The following NSD2 variants were observed in gnomAD, a reference collection of about 807,000 sequenced individuals.
NSD2 encodes the protein histone-lysine N-methyltransferase NSD2.
In NSD2, 12 loss-of-function variants were observed where a neutral mutation model predicts 139.0. That is an observed-to-expected ratio of 0.09 (90% confidence interval 0.06 to 0.14). NSD2 has a LOEUF of 0.14. Ranked by LOEUF, NSD2 falls within the 10% of genes least tolerant of loss-of-function variation. The pLI is 1.00. For synonymous variants in NSD2, 669 were observed against 648.7 expected (o/e 1.03, Z -0.48); for missense variants, 1,155 against 1,745.0 (o/e 0.66, Z 6.02).
Position 1,961,139 on chromosome 4 carries a change from C to A in NSD2, c.3360C>A (p.Leu1120=). ...HENDITHFYM[L]TIDKDRIIDA... Reference sequence around the variant, plus strand: ...ACGACATCACCCACTTCTACATGCTCACTATAGACAAGGTAATGCGGAACT... The same window carrying A: ...ACGACATCACCCACTTCTACATGCTAACTATAGACAAGGTAATGCGGAACT... Residue 1120 remains leucine, a synonymous_variant, in exon 18 of 22, where the codon CTC becomes CTA. Coordinates refer to ENST00000508803, the MANE Select transcript of NSD2 (RefSeq NM_001042424.3). 12 of 1,610,500 alleles carry A rather than the reference C, an allele frequency of 7.5e-6. No individual in the cohort carries two copies. The highest frequency in any genetic ancestry group is 1.0e-5 in the Non-Finnish European group (12 of 1,177,106).
In NSD2 at chr4:1,982,060, A is replaced by C. The variant is rs1353609763; in HGVS notation, c.*3151A>C. On this transcript the variant is annotated 3_prime_UTR_variant, in exon 22 of 22. Coordinates refer to ENST00000508803, the MANE Select transcript of NSD2 (RefSeq NM_001042424.3). ...AGTTAGACTTAAAAACTTGAAATTC[A>C]CTTTTTGGGGGGAGGGATATACTGA... is the stretch of plus-strand genomic sequence containing the variant. The C allele has an allele frequency of 2.5e-6, 1 of 397,366 alleles. No homozygotes were observed. Among genetic ancestry groups the C allele is most frequent in the Non-Finnish European group, 4.4e-6 (1 of 225,764 alleles). 24.6% of individuals were successfully genotyped at this position (397,366 alleles called of 1,614,324 possible).
In NSD2 at chr4:1,974,664, G is replaced by A. The variant is rs759413044; in HGVS notation, c.3373-199G>A. ...CTCACTAAGGCTCGGTCCTCTCCAC[G>A]TGGTCCTGACCTGTCCTCTGTGAGC... is the stretch of plus-strand genomic sequence containing the variant. On this transcript the variant is annotated intron_variant, in intron 18 of 21. Coordinates refer to ENST00000508803, the MANE Select transcript of NSD2 (RefSeq NM_001042424.3). This position sits in a 1 kb window ranked among gnomAD's most constrained non-coding sequence, Gnocchi z 4.0. 1.1e-4 allele frequency: 86 copies of A among 805,374 alleles called. No individual in the cohort carries two copies. Among genetic ancestry groups the A allele is most frequent in the Non-Finnish European group, 1.7e-4 (77 of 461,288 alleles). 49.9% of individuals were successfully genotyped at this position (805,374 alleles called of 1,614,324 possible).
rs191680070 is a variant in NSD2, at chr4:1,907,676, G to C, written c.760+3298G>C. Among the ~76,000 whole-genome samples, 3 of 138,062 alleles carry C rather than the reference G, an allele frequency of 2.2e-5. No individual in the cohort carries two copies. In the East Asian group the frequency reaches 6.8e-4, roughly 31 times the overall value. 90.6% of individuals were successfully genotyped at this position (138,062 alleles called of 152,430 possible). ...CACTCTGTTGCCAGGCTGGAGTGCAGTGGCACGATTTTGGCAACCTCTGCC... is the reference window on the plus strand; with the variant it reads ...CACTCTGTTGCCAGGCTGGAGTGCACTGGCACGATTTTGGCAACCTCTGCC... On this transcript the variant is annotated intron_variant, in intron 3 of 21. Coordinates refer to ENST00000508803, the MANE Select transcript of NSD2 (RefSeq NM_001042424.3).
intron 5 of NSD2, chr4:1,918,857 C>T (rs958121347): frequency 2.2e-5 from 11 of 505,684 alleles, no homozygotes; most frequent in African/African-American, 2.1e-4. Flanking sequence ...TAAGAAGATA[C>T]CGAGAACAGG....
At position 1,975,018 on chromosome 4, in the gene NSD2, G is replaced by C; in HGVS notation, c.3514+14G>C. The C allele has an allele frequency of 6.2e-7, 1 of 1,614,036 alleles. No homozygotes were observed. Among genetic ancestry groups the C allele is most frequent in the Non-Finnish European group, 8.5e-7 (1 of 1,180,008 alleles). ...ACATTCCTGCAGGTACAAGCTCTGG[G>C]GACCCTGCATGGGGCTCCTGGCTAT... On this transcript the variant is annotated intron_variant, in intron 19 of 21. Transcript: ENST00000508803.
intron 1 of NSD2, among the ~76,000 whole-genome samples, chr4:1,884,669 G>A (rs1307266682): frequency 6.6e-6 from 1 of 151,948 alleles, no homozygotes; most frequent in Non-Finnish European, 1.5e-5. Flanking sequence ...TAGGATTATA[G>A]GCGTGAGCCA....
intron 1 of NSD2, among the ~76,000 whole-genome samples, chr4:1,874,083 T>A (rs1394747000): frequency 2.0e-5 from 3 of 152,240 alleles, no homozygotes; most frequent in African/African-American, 7.2e-5. Flanking sequence ...AAGTAAATAA[T>A]TAATCAGCAG....
intron 18 of NSD2, among the ~76,000 whole-genome samples, chr4:1,963,927 G>GT (rs1363313533): frequency 6.6e-6 from 1 of 152,208 alleles, no homozygotes; most frequent in African/African-American, 2.4e-5. Context: ...GAGCCCAGGA[G>GT]TTTAAGACTG....
At chr4:1,975,206 G>T in intron 19 of NSD2, 88 bp from the exon 20 acceptor site, 1 of 1,428,298 alleles carries the variant, frequency 7.0e-7, no homozygotes, top group Non-Finnish European at 9.8e-7. Flanking sequence ...AATAATAAGA[G>T]TATTTTTGTT....
intron 3 of NSD2, among the ~76,000 whole-genome samples, chr4:1,910,667 AT>A (rs1313887438): frequency 6.6e-6 from 1 of 152,172 alleles, no homozygotes; most frequent in Admixed American, 6.5e-5. Flanking sequence ...ATTGCAGGTA[AT>A]CTGGCTTTCT....
chr4:1,916,776 A>G lies in NSD2; in HGVS notation c.761-95A>G, dbSNP rs141824804. 520 of 1,272,048 alleles carry G rather than the reference A, an allele frequency of 4.1e-4. 3 individuals are homozygous for G. The East Asian group carries it at 0.012, about 30-fold the overall frequency. The allele number at this position is 1,272,048 out of a possible 1,614,324, so 78.8% of individuals were successfully genotyped here. On this transcript the variant is annotated intron_variant, in intron 3 of 21. Coordinates refer to ENST00000508803, the MANE Select transcript of NSD2 (RefSeq NM_001042424.3). ...GTTTTGAGGTTAACAGGCTCAGACA[A>G]CACCAAGGGAAACAACTGCAAAATA... is the stretch of plus-strand genomic sequence containing the variant.
chr4:1,877,915 G>A (rs1270432162), intron 1 of NSD2, among the ~76,000 whole-genome samples: 3 of 151,966 alleles, frequency 2.0e-5, no homozygotes, highest in Non-Finnish European at 4.4e-5. Flanking sequence ...TGTGATCCTG[G>A]TGCTTTATGA....
chr4:1,916,358 GTTT>G (rs936191219), intron 3 of NSD2, among the ~76,000 whole-genome samples: 1 of 150,258 alleles, frequency 6.7e-6, no homozygotes, highest in Admixed American at 6.6e-5. Flanking sequence ...TTCTTTTTTT[GTTT>G]TTGAGACAGG....
chr4:1,913,633 A>AG (rs1188312469), intron 3 of NSD2, among the ~76,000 whole-genome samples: 2 of 152,168 alleles, frequency 1.3e-5, no homozygotes, highest in African/African-American at 4.8e-5. Context: ...CAAACAGGGA[A>AG]GGGCCCCCTG....
rs374816850 is a variant in NSD2, at chr4:1,891,881, A to C, written c.-29-8745A>C. 1.5e-3 allele frequency among the ~76,000 whole-genome samples: 228 copies of C among 150,358 alleles called. 2 individuals are homozygous for C. The highest frequency in any genetic ancestry group is 6.9e-3 in the Middle Eastern group (2 of 290). On this transcript the variant is annotated intron_variant, in intron 1 of 21. Transcript: ENST00000508803. ...CAAAAAAAAAAAAAAACAAAAAAAA[A>C]CAAACAAAAACGAAAAAACGAAAAA...
chr4:1,883,780 T>C (rs1714879262), intron 1 of NSD2, among the ~76,000 whole-genome samples: 1 of 152,160 alleles, frequency 6.6e-6, no homozygotes, highest in East Asian at 1.9e-4. Context: ...GCGAGCAGCA[T>C]GTGTGGGTGC....
At chr4:1,950,303 A>G (rs1724072942) in intron 9 of NSD2, among the ~76,000 whole-genome samples, 1 of 152,176 alleles carries the variant, frequency 6.6e-6, no homozygotes, top group Non-Finnish European at 1.5e-5. Flanking sequence ...GGCAGAAGAG[A>G]TACAACCTGC....
intron 5 of NSD2, among the ~76,000 whole-genome samples, chr4:1,928,900 C>T: frequency 6.6e-6 from 1 of 151,946 alleles, no homozygotes; most frequent in East Asian, 1.9e-4. Context: ...TGAGTGGGCT[C>T]ATGGAGTGAG....
chr4:1,969,199 A>G (rs1003829033), intron 18 of NSD2, among the ~76,000 whole-genome samples: 1 of 152,180 alleles, frequency 6.6e-6, no homozygotes, highest in African/African-American at 2.4e-5. Context: ...AAGAGATGAC[A>G]CATCTTTGAA....
Sources: allele counts gnomAD v4.1 joint callset (sites outside exome capture counted in the v4.1 genomes callset), GRCh38; gene constraint gnomAD v4.1.1; non-coding constraint Gnocchi (gnomAD v3.1); transcripts MANE v1.5; gene names NCBI Gene and HGNC (gene_info 2026-07-23, HGNC 2026-07-21).